Variants in ANKHD1 observed in about 807,000 individuals in gnomAD.
ANKHD1 encodes ankyrin repeat and KH domain-containing protein 1.
ANKHD1 carries 31 observed loss-of-function variants against 230.5 expected under a neutral mutation model. The ratio of observed to expected loss-of-function variants is 0.13; its 90% CI spans 0.10 to 0.18. The LOEUF (loss-of-function observed/expected upper bound fraction) is 0.18, where lower values mean the gene tolerates loss of function less well. Among genes scored for constraint, ANKHD1 ranks in the 10% least tolerant of loss-of-function variants. ANKHD1 has a pLI of 1.00. For missense variants in ANKHD1, 2,256 were observed against 3,071.3 expected (o/e 0.73, Z 6.27); for synonymous variants, 1,074 against 1,117.6 (o/e 0.96, Z 0.78).
At position 140,513,506 on chromosome 5, in the gene ANKHD1, T is replaced by C. The variant is rs763949784; in HGVS notation, c.4317+27T>C. On this transcript the variant is annotated intron_variant, in intron 24 of 33. Coordinates refer to ENST00000360839, the MANE Select transcript of ANKHD1 (RefSeq NM_017747.3). Reference sequence around the variant, plus strand: ...TGAGTGGGAAAAATAATTTTCCTTTTTAGAAATTATTGAGGGTGGGGGCCG... The same window carrying C: ...TGAGTGGGAAAAATAATTTTCCTTTCTAGAAATTATTGAGGGTGGGGGCCG... 3 of 1,606,232 alleles carry C rather than the reference T, an allele frequency of 1.9e-6. 1 individual carries two copies. The South Asian group carries it at 3.3e-5, about 18-fold the overall frequency.
At chr5:140,457,383 T>G (rs1056971769) in intron 7 of ANKHD1, among the ~76,000 whole-genome samples, 2 of 152,228 alleles carry the variant, frequency 1.3e-5, no homozygotes, top group Non-Finnish European at 2.9e-5. Flanking sequence ...TAAATCATGC[T>G]GCTATAAAGA....
chr5:140,407,957 A>T (rs991919968), intron 1 of ANKHD1, among the ~76,000 whole-genome samples: 1 of 152,118 alleles, frequency 6.6e-6, no homozygotes, highest in African/African-American at 2.4e-5. Flanking sequence ...CGGATGGATC[A>T]TCTGAGGTCA....
At chr5:140,426,644 C>T (rs1772442566) in intron 1 of ANKHD1, among the ~76,000 whole-genome samples, 1 of 152,042 alleles carries the variant, frequency 6.6e-6, no homozygotes, top group African/African-American at 2.4e-5. Flanking sequence ...TCTGGTTTTC[C>T]TAGGCAGAGG....
chr5:140,463,900 C>T (rs909556607), intron 9 of ANKHD1, among the ~76,000 whole-genome samples: 1 of 151,920 alleles, frequency 6.6e-6, no homozygotes, highest in Non-Finnish European at 1.5e-5. Flanking sequence ...CTCCTGTGCT[C>T]AAGTGATCTG....
intron 1 of ANKHD1, among the ~76,000 whole-genome samples, chr5:140,420,371 CTTG>C (rs1394017755): frequency 2.6e-5 from 4 of 152,064 alleles, no homozygotes; most frequent in African/African-American, 9.7e-5. Context: ...TGCTTGTGCT[CTTG>C]TTGTCATGTC....
chr5:140,412,039 T>C (rs1770973706), intron 1 of ANKHD1, among the ~76,000 whole-genome samples: 2 of 151,912 alleles, frequency 1.3e-5, no homozygotes, highest in Admixed American at 1.3e-4. Flanking sequence ...TTAAATTAAA[T>C]TTAATTAATT....
chr5:140,471,050 C>A (rs1776458074), intron 10 of ANKHD1, among the ~76,000 whole-genome samples: 1 of 151,994 alleles, frequency 6.6e-6, no homozygotes, highest in Non-Finnish European at 1.5e-5. Context: ...GAATACATAC[C>A]CATTGAGCAT....
At chr5:140,523,463 C>T (rs557490704) in intron 24 of ANKHD1, among the ~76,000 whole-genome samples, 72 of 150,780 alleles carry the variant, frequency 4.8e-4, no homozygotes, top group Middle Eastern at 6.9e-3. Context: ...TCTTTTCATT[C>T]GTGAGTTGTA....
chr5:140,533,775 C>CA (rs1167136822), intron 29 of ANKHD1, among the ~76,000 whole-genome samples: 2,071 of 29,058 alleles, frequency 0.071, 137 homozygotes, highest in Non-Finnish European at 0.08. Flanking sequence ...GACCCTGTCT[C>CA]AAAAAAAAAA....
chr5:140,482,141 A>G (rs749054863), intron 10 of ANKHD1, among the ~76,000 whole-genome samples: 10 of 152,032 alleles, frequency 6.6e-5, no homozygotes, highest in Non-Finnish European at 1.2e-4. Context: ...CTAAAATACC[A>G]TAGTGTTTTT....
chr5:140,498,730 C>T (rs1196678566), intron 15 of ANKHD1, among the ~76,000 whole-genome samples: 2 of 152,048 alleles, frequency 1.3e-5, no homozygotes, highest in Admixed American at 6.6e-5. Context: ...AATGATGAAA[C>T]TGATGAACTG....
In ANKHD1 at chr5:140,401,996, C is replaced by T. The variant is rs1769980129; in HGVS notation, c.29C>T (p.Thr10Ile). The change falls in exon 1 of 34, where the codon ACC becomes ATC. Residue 10 changes from threonine to isoleucine, a missense_variant. Physicochemically the swap from Thr to Ile is moderately conservative, Grantham distance 89. Coordinates refer to ENST00000360839, the MANE Select transcript of ANKHD1 (RefSeq NM_017747.3). Reference sequence around the variant, plus strand: ...CTGACTGATAGCGGAGGCGGCGGCACCTCCTTTGAGGAGGACCTGGACTCT... The same window carrying T: ...CTGACTGATAGCGGAGGCGGCGGCATCTCCTTTGAGGAGGACCTGGACTCT... MLTDSGGGG[T>I]SFEEDLDSVA... The T allele has an allele frequency of 2.6e-6, 4 of 1,555,390 alleles. No individual in the cohort carries two copies. The highest frequency in any genetic ancestry group is 3.5e-6 in the Non-Finnish European group (4 of 1,155,842).
chr5:140,537,255 G>A (rs192171985), intron 30 of ANKHD1, 134 bp from the exon 31 acceptor site: 3 of 1,406,154 alleles, frequency 2.1e-6, no homozygotes, highest in Admixed American at 5.7e-5. Flanking sequence ...TTATGTTGTG[G>A]AATAGATCTT....
chr5:140,509,283 C>CA lies in ANKHD1; in HGVS notation c.3766-348dup, dbSNP rs529697312. ...GACTAACGTACCAAAGGCACATATG[C>CA]AAAAAATTTATAAAGTGATTTTAAT... On this transcript the variant is annotated intron_variant, in intron 20 of 33. Transcript: ENST00000360839. 3.2e-4 allele frequency among the ~76,000 whole-genome samples: 48 copies of CA among 152,212 alleles called. 1 individual carries two copies. In the East Asian group the frequency reaches 8.7e-3, roughly 28 times the overall value.
chr5:140,455,394 T>G (rs1188689338), intron 7 of ANKHD1, among the ~76,000 whole-genome samples: 1 of 152,158 alleles, frequency 6.6e-6, no homozygotes, highest in Admixed American at 6.5e-5. Context: ...TACCAAAGCC[T>G]GGCAGAGACA....
intron 1 of ANKHD1, among the ~76,000 whole-genome samples, chr5:140,419,826 C>G (rs928740909): frequency 1.0e-5 from 1 of 95,888 alleles, no homozygotes; most frequent in African/African-American, 3.9e-5. Context: ...TTCTTTCTTT[C>G]TTTCTTTCTT....
intron 2 of ANKHD1, 50 bp from the exon 3 acceptor site, chr5:140,438,411 C>CTTTTTTTT: frequency 7.9e-7 from 1 of 1,272,490 alleles, no homozygotes; most frequent in East Asian, 2.8e-5. Context: ...CACTTTTATA[C>CTTTTTTTT]TTTTTTTTTT....
chr5:140,520,929 TAAA>T (rs370538341), intron 24 of ANKHD1, among the ~76,000 whole-genome samples: 6 of 112,846 alleles, frequency 5.3e-5, no homozygotes, highest in East Asian at 2.4e-4. Flanking sequence ...TAAAGTATAA[TAAA>T]AAAAAAAAAA....
Position 140,512,885 on chromosome 5 carries a change from A to G in ANKHD1, c.4162A>G (p.Ile1388Val), listed in dbSNP as rs754330969. Reference sequence around the variant, plus strand: ...GGAAGTAAATCAGTTCCCTTCTGATATAGAATGCATGAGATACATAGCAAC... The same window carrying G: ...GGAAGTAAATCAGTTCCCTTCTGATGTAGAATGCATGAGATACATAGCAAC... ...VKEVNQFPSD[I>V]ECMRYIATIT... The change falls in exon 23 of 34, where the codon ATA becomes GTA. Residue 1388 changes from isoleucine to valine, a missense_variant. Transcript: ENST00000360839. 60 of 1,602,594 alleles carry G rather than the reference A, an allele frequency of 3.7e-5. No homozygotes were observed. The highest frequency in any genetic ancestry group is 4.5e-5 in the South Asian group (4 of 88,480).
Sources: allele counts gnomAD v4.1 joint callset (sites outside exome capture counted in the v4.1 genomes callset), GRCh38; gene constraint gnomAD v4.1.1; transcripts MANE v1.5; gene names NCBI Gene and HGNC (gene_info 2026-07-23, HGNC 2026-07-21).